Variants in EYS observed in about 807,000 individuals in gnomAD.
EYS encodes the protein EGF-like photoreceptor maintenance factor.
A neutral mutation model predicts 282.1 loss-of-function variants in EYS; 250 were observed. The observed-to-expected ratio is 0.89, with a 90% CI of 0.80 to 0.98. The LOEUF is 0.98. EYS is among the 50% of genes least tolerant of loss of function. EYS has a pLI of 0.00. For missense variants in EYS, 4,016 were observed against 3,709.0 expected (o/e 1.08, Z -2.15); for synonymous variants, 1,355 against 1,282.9 (o/e 1.06, Z -1.20).
At chr6:65,103,095 C>T (rs1386555356) in intron 12 of EYS, among the ~76,000 whole-genome samples, 1 of 151,356 alleles carries the variant, frequency 6.6e-6, no homozygotes, top group Non-Finnish European at 1.5e-5. Flanking sequence ...AAAGCAAAAT[C>T]TCTGGCCTCT....
chr6:64,213,021 A>G (rs1765826384), intron 31 of EYS, among the ~76,000 whole-genome samples: 1 of 152,138 alleles, frequency 6.6e-6, no homozygotes. Context: ...AGAAAACCAA[A>G]TATTCCATGT....
At chr6:64,157,749 C>T (rs989838367) in intron 31 of EYS, among the ~76,000 whole-genome samples, 8 of 152,304 alleles carry the variant, frequency 5.3e-5, no homozygotes, top group South Asian at 2.1e-4. Flanking sequence ...TGGGAACCTT[C>T]GCCTAGATTT....
At chr6:65,411,967 A>G (rs973704972) in intron 5 of EYS, among the ~76,000 whole-genome samples, 1 of 152,070 alleles carries the variant, frequency 6.6e-6, no homozygotes, top group Non-Finnish European at 1.5e-5. Flanking sequence ...TGTCCCCCAC[A>G]TATTATGTTG....
At chr6:64,024,727 C>T (rs983972072) in intron 33 of EYS, among the ~76,000 whole-genome samples, 10 of 152,206 alleles carry the variant, frequency 6.6e-5, no homozygotes, top group African/African-American at 1.7e-4. Context: ...AGACGTGCCA[C>T]CTTAAGAGCT....
At chr6:63,822,703 A>G (rs577700183) in intron 36 of EYS, 1 of 152,292 alleles carries the variant, frequency 6.6e-6, no homozygotes, top group East Asian at 1.9e-4. Flanking sequence ...ACAAAAATAG[A>G]TTTGTATCTT....
At chr6:65,608,453 T>C (rs1478781931) in intron 2 of EYS, among the ~76,000 whole-genome samples, 1 of 152,054 alleles carries the variant, frequency 6.6e-6, no homozygotes, top group African/African-American at 2.4e-5. Context: ...TGTTACACTA[T>C]TGTATACTTC....
Position 63,721,422 on chromosome 6 carries a change from T to C in EYS, c.8609A>G (p.Asn2870Ser). Reference protein sequence around the residue: ...LTEFGAKGGSNVGDCDGTACG... With the variant: ...LTEFGAKGGSSVGDCDGTACG... ...GGCTGTCCCATCACAGTCACCTACA[T>C]TTGAGCCACCTTTTGCTCCAAATTC... is the stretch of plus-strand genomic sequence containing the variant. The change falls in exon 43 of 43, where the codon AAT becomes AGT. Residue 2870 changes from asparagine to serine, a missense_variant. By Grantham distance (46) the Asn-to-Ser change is conservative. Transcript: ENST00000503581. 6.4e-7 allele frequency: 1 copy of C among 1,551,748 alleles called. No individual in the cohort carries two copies. The highest frequency in any genetic ancestry group is 2.4e-5 in the East Asian group (1 of 40,920).
At position 63,914,834 on chromosome 6, in the gene EYS, G is replaced by C. The variant is rs112142810; in HGVS notation, c.7056-50476C>G. ...TAAGCCAAAAGCTAATCCAGAGCAG[G>C]GCCTTAACTCTTTTTTGATTGTATG... On this transcript the variant is annotated intron_variant, in intron 35 of 42. Coordinates refer to ENST00000503581, the MANE Select transcript of EYS (RefSeq NM_001142800.2). 6.6e-4 allele frequency among the ~76,000 whole-genome samples: 101 copies of C among 152,164 alleles called. 1 individual carries two copies. The highest frequency in any genetic ancestry group is 3.4e-3 in the Middle Eastern group (1 of 294).
chr6:64,657,942 C>A (rs560451150), intron 22 of EYS, among the ~76,000 whole-genome samples: 175 of 152,274 alleles, frequency 1.1e-3, no homozygotes, highest in African/African-American at 4.1e-3. Context: ...TAATATCCTG[C>A]AGAGTGTTTT....
chr6:64,394,920 C>G (rs1328792107), intron 28 of EYS, among the ~76,000 whole-genome samples: 2 of 152,100 alleles, frequency 1.3e-5, no homozygotes, highest in South Asian at 4.2e-4. Flanking sequence ...ACAATGAACT[C>G]AAACAAATTT....
intron 2 of EYS, among the ~76,000 whole-genome samples, chr6:65,543,013 T>C (rs1018533490): frequency 6.6e-6 from 1 of 152,146 alleles, no homozygotes; most frequent in Non-Finnish European, 1.5e-5. Context: ...TTCTCTGTTT[T>C]ATTTACTTTT....
chr6:64,072,301 A>G (rs1297743752), intron 32 of EYS, among the ~76,000 whole-genome samples: 1 of 151,846 alleles, frequency 6.6e-6, no homozygotes, highest in Non-Finnish European at 1.5e-5. Context: ...CTGTACAATG[A>G]GCAAATTAGC....
chr6:63,788,540 A>G (rs1770426016), intron 38 of EYS, among the ~76,000 whole-genome samples: 1 of 152,210 alleles, frequency 6.6e-6, no homozygotes, highest in Non-Finnish European at 1.5e-5. Flanking sequence ...CTCCTCTGCT[A>G]TCAATTCTCC....
chr6:65,281,406 G>C (rs533801604), intron 12 of EYS, among the ~76,000 whole-genome samples: 2 of 152,038 alleles, frequency 1.3e-5, no homozygotes, highest in East Asian at 3.9e-4. Context: ...TTCTTATTGT[G>C]GGATAATTAG....
intron 2 of EYS, among the ~76,000 whole-genome samples, chr6:65,509,537 T>C (rs145274919): frequency 5.5e-4 from 84 of 152,342 alleles, no homozygotes; most frequent in African/African-American, 2.0e-3. Context: ...TTCAAACATA[T>C]TGCCTACTGT....
intron 12 of EYS, among the ~76,000 whole-genome samples, chr6:65,135,688 T>A (rs548445128): frequency 3.5e-4 from 53 of 152,148 alleles, no homozygotes; most frequent in Admixed American, 1.6e-3. Context: ...AAAATCAGAT[T>A]CCATCTGTCC....
intron 5 of EYS, among the ~76,000 whole-genome samples, chr6:65,410,626 T>A (rs1766952971): frequency 6.6e-6 from 1 of 150,952 alleles, no homozygotes; most frequent in South Asian, 2.1e-4. Flanking sequence ...AGATTTCACT[T>A]ATGAGTGAGA....
rs1440398794 is a variant in EYS at position 65,578,562 on chromosome 6, T to C, written c.-333+61216A>G. Among the ~76,000 whole-genome samples the C allele has an allele frequency of 2.6e-5, 4 of 151,844 alleles. No individual in the cohort carries two copies. The Admixed American group carries it at 2.6e-4, about 10-fold the overall frequency. On this transcript the variant is annotated intron_variant, in intron 2 of 42. Coordinates refer to ENST00000503581, the MANE Select transcript of EYS (RefSeq NM_001142800.2). ...CCACAGTAAATAACAATATATTGTATACTTAAAAATTGCAAAGCAATAGAT... is the reference window on the plus strand; with the variant it reads ...CCACAGTAAATAACAATATATTGTACACTTAAAAATTGCAAAGCAATAGAT...
intron 28 of EYS, among the ~76,000 whole-genome samples, chr6:64,402,665 A>G (rs956458): frequency 0.31 from 46,912 of 152,124 alleles, 7,217 homozygotes; most frequent in East Asian, 0.46. Flanking sequence ...TAACATTGAC[A>G]GGCAATTGAA....
Sources: allele counts gnomAD v4.1 joint callset (sites outside exome capture counted in the v4.1 genomes callset), GRCh38; gene constraint gnomAD v4.1.1; transcripts MANE v1.5; gene names NCBI Gene and HGNC (gene_info 2026-07-23, HGNC 2026-07-21).